The following COG6 variants were observed in gnomAD, a reference collection of about 807,000 sequenced individuals.
COG6 encodes component of oligomeric golgi complex 6, also known as conserved oligomeric Golgi complex subunit 6.
In COG6, 74 loss-of-function variants were observed where a neutral mutation model predicts 88.8. The observed-to-expected ratio is 0.83, with a 90% CI of 0.69 to 1.01. COG6 has a LOEUF of 1.01. Among genes scored for constraint, COG6 ranks in the 50% least tolerant of loss-of-function variants. COG6 has a pLI of 0.00. For missense variants in COG6, 800 were observed against 797.9 expected, an observed-to-expected ratio of 1.00 and a Z score of -0.03; for synonymous variants, 286 against 278.7, an observed-to-expected ratio of 1.03 and a Z score of -0.26.
chr13:39,788,281 C>A (rs747994688), intron 18 of COG6: 8 of 1,538,726 alleles, frequency 5.2e-6, no homozygotes, highest in Admixed American at 2.0e-5. Flanking sequence ...GTATTCAAAG[C>A]AGGAAACTGC....
intron 11 of COG6, among the ~76,000 whole-genome samples, 182 bp from the exon 12 acceptor site, chr13:39,694,451 GT>G (rs1338047221): frequency 2.0e-5 from 3 of 151,594 alleles, no homozygotes; most frequent in Non-Finnish European, 3.0e-5. Flanking sequence ...GTATATCTCT[GT>G]TAAAATGTTT....
rs1203671335 is a variant in COG6, at chr13:39,684,243, A to ATTTTTTTTTTTTTTTTTTTT, written c.788+1985_788+2004dup. Among the ~76,000 whole-genome samples, 13 of 67,388 alleles carry ATTTTTTTTTTTTTTTTTTTT rather than the reference A, an allele frequency of 1.9e-4. 2 individuals are homozygous for ATTTTTTTTTTTTTTTTTTTT. The highest frequency in any genetic ancestry group is 3.7e-4 in the Admixed American group (2 of 5,454). The allele number at this position is 67,388 out of a possible 152,430, so 44.2% of individuals were successfully genotyped here. On this transcript the variant is annotated intron_variant, in intron 8 of 18. Transcript: ENST00000455146. ...GGGGGCAGTAATGGCAATTTGGAAG[A>ATTTTTTTTTTTTTTTTTTTT]TTTTTTTTTTTTTTTTTTTTTTTTT...
Position 39,711,963 on chromosome 13 carries a change from G to A in COG6, c.1285-7273G>A, listed in dbSNP as rs183678003. Among the ~76,000 whole-genome samples, 405 of 152,230 alleles carry A rather than the reference G, an allele frequency of 2.7e-3. 5 individuals are homozygous for A. Among genetic ancestry groups the A allele is most frequent in the Admixed American group, 0.023 (348 of 15,282 alleles). ...CAACCTCCACCTCCTGGGTTCAAGC[G>A]ATTCTCCAGCTTCAGCCTCCCGAGT... On this transcript the variant is annotated intron_variant, in intron 13 of 18. Coordinates refer to ENST00000455146, the MANE Select transcript of COG6 (RefSeq NM_020751.3).
At position 39,711,506 on chromosome 13, in the gene COG6, C is replaced by T. The variant is rs1878236578; in HGVS notation, c.1285-7730C>T. On this transcript the variant is annotated intron_variant, in intron 13 of 18. Transcript: ENST00000455146. ...CTTGGGTGAGAGTCTAAGCTCTGCC[C>T]CTTCTAAGAACAGTGGGACCTTTGG... 4.7e-5 allele frequency among the ~76,000 whole-genome samples: 4 copies of T among 85,374 alleles called. No homozygotes were observed. In the South Asian group the frequency reaches 1.3e-3, roughly 27 times the overall value. 56.0% of individuals were successfully genotyped at this position (85,374 alleles called of 152,430 possible).
At chr13:39,776,021 G>T (rs1257182752) in intron 18 of COG6, among the ~76,000 whole-genome samples, 1 of 152,052 alleles carries the variant, frequency 6.6e-6, no homozygotes, top group African/African-American at 2.4e-5. Context: ...CACCCGCCTT[G>T]GTCTCCCAAA....
intron 13 of COG6, among the ~76,000 whole-genome samples, chr13:39,702,007 G>A (rs1216306211): frequency 6.6e-6 from 1 of 151,940 alleles, no homozygotes; most frequent in East Asian, 1.9e-4. Flanking sequence ...AAAATTAGAA[G>A]TTTTTAGAAA....
chr13:39,781,278 G>A (rs1247446554), intron 18 of COG6, among the ~76,000 whole-genome samples: 2 of 152,006 alleles, frequency 1.3e-5, no homozygotes, highest in Non-Finnish European at 2.9e-5. Flanking sequence ...CTCTTTTTTG[G>A]CAAACATCAA....
intron 11 of COG6, among the ~76,000 whole-genome samples, chr13:39,690,075 T>C (rs1876896078): frequency 7.5e-6 from 1 of 133,094 alleles, no homozygotes; most frequent in South Asian, 2.6e-4. Flanking sequence ...CTGTAGTAAT[T>C]TTTCTTATTC....
exon 19 of COG6, chr13:39,789,215 G>T (rs556298322): frequency 1.4e-4 from 21 of 152,204 alleles, no homozygotes; most frequent in African/African-American, 5.1e-4. Context: ...GATATGTTTT[G>T]CATCATATTT....
intron 18 of COG6, among the ~76,000 whole-genome samples, chr13:39,758,094 C>A (rs900385461): frequency 2.6e-5 from 4 of 151,782 alleles, no homozygotes; most frequent in African/African-American, 9.7e-5. Context: ...GTGGCGGATG[C>A]CTGTAGTCCC....
chr13:39,715,613 A>T (rs1878485784), intron 13 of COG6, among the ~76,000 whole-genome samples: 1 of 152,110 alleles, frequency 6.6e-6, no homozygotes, highest in African/African-American at 2.4e-5. Context: ...TTTCTTATGT[A>T]TATGCATGCA....
At chr13:39,714,394 T>C (rs367886731) in intron 13 of COG6, among the ~76,000 whole-genome samples, 146 of 149,398 alleles carry the variant, frequency 9.8e-4, no homozygotes, top group African/African-American at 3.5e-3. Flanking sequence ...AGGACTGATA[T>C]CCAGAATAGA....
intron 17 of COG6, among the ~76,000 whole-genome samples, chr13:39,726,892 C>T (rs1379521897): frequency 2.0e-5 from 3 of 151,898 alleles, no homozygotes; most frequent in Non-Finnish European, 4.4e-5. Context: ...CAGACTAGGT[C>T]CTTGATTTAT....
At chr13:39,672,375 A>T (rs555142013) in intron 4 of COG6, among the ~76,000 whole-genome samples, 8 of 151,998 alleles carry the variant, frequency 5.3e-5, no homozygotes, top group Non-Finnish European at 1.2e-4. Flanking sequence ...TATGATCTGA[A>T]TTACAACATT....
chr13:39,726,668 T>C (rs916579719), intron 17 of COG6, among the ~76,000 whole-genome samples: 1 of 151,970 alleles, frequency 6.6e-6, no homozygotes, highest in Non-Finnish European at 1.5e-5. Flanking sequence ...TTAAATTCAA[T>C]GGTTTACTAA....
chr13:39,670,118 C>T (rs1160421071), intron 4 of COG6, among the ~76,000 whole-genome samples: 2 of 152,018 alleles, frequency 1.3e-5, no homozygotes, highest in Admixed American at 6.5e-5. Context: ...GGAAGTCAGT[C>T]GTCAGGACAG....
Position 39,773,149 on chromosome 13 carries a change from A to G in COG6, c.1827-15186A>G, listed in dbSNP as rs1881366409. On this transcript the variant is annotated intron_variant, in intron 18 of 18. Transcript: ENST00000416691. ...ACCTCTCCACCTTCCCTCCATCCTA[A>G]TGCCAGGAAGGGAAAAATAGCCTGT... Among the ~76,000 whole-genome samples, 4 of 152,166 alleles carry G rather than the reference A, an allele frequency of 2.6e-5. No homozygotes were observed. In the South Asian group the frequency reaches 8.3e-4, roughly 32 times the overall value.
chr13:39,693,199 A>G (rs548884923), intron 11 of COG6, among the ~76,000 whole-genome samples: 16 of 151,962 alleles, frequency 1.1e-4, no homozygotes, highest in African/African-American at 3.9e-4. Context: ...TAGCTGTTGT[A>G]TTCTTTATTG....
At chr13:39,693,575 A>T (rs952872867) in intron 11 of COG6, among the ~76,000 whole-genome samples, 3 of 152,004 alleles carry the variant, frequency 2.0e-5, no homozygotes, top group Non-Finnish European at 4.4e-5. Context: ...TCATGGAAAA[A>T]TATATTTTTT....
Sources: gnomAD v4.1 joint callset for allele counts (sites outside exome capture counted in the v4.1 genomes callset) on GRCh38, gnomAD v4.1.1 for gene constraint, MANE v1.5 for transcripts, NCBI Gene and HGNC (gene_info 2026-07-23, HGNC 2026-07-21) for gene names.